CCND3: variants seen among roughly 807,000 people sequenced by gnomAD.
CCND3 encodes the protein G1/S-specific cyclin-D3.
CCND3 carries 9 observed loss-of-function variants against 28.7 expected under a neutral mutation model. That is an observed-to-expected ratio of 0.31 (90% confidence interval 0.19 to 0.55). The LOEUF is 0.55. Ranked by LOEUF, CCND3 falls within the 20% of genes least tolerant of loss-of-function variation. The pLI, the probability that CCND3 is intolerant of heterozygous loss-of-function variation, is 0.93. For synonymous variants in CCND3, 164 were observed against 163.9 expected, an observed-to-expected ratio of 1.00 and a Z score of 0.00; for missense variants, 315 against 385.8, an observed-to-expected ratio of 0.82 and a Z score of 1.54.
Position 41,939,647 on chromosome 6 carries a change from T to C in CCND3, c.414+723A>G, listed in dbSNP as rs1775925384. Among the ~76,000 whole-genome samples the C allele has an allele frequency of 6.6e-6, 1 of 152,014 alleles. No individual in the cohort carries two copies. The highest frequency in any genetic ancestry group is 1.5e-5 in the Non-Finnish European group (1 of 67,988). Reference sequence around the variant, plus strand: ...GGGCGGGCCAGGGGAGGGGGCACCATTATCACATCGGAAGCAGATGCAGCT... The same window carrying C: ...GGGCGGGCCAGGGGAGGGGGCACCACTATCACATCGGAAGCAGATGCAGCT... On this transcript the variant is annotated intron_variant, in intron 2 of 4. Coordinates refer to ENST00000372991, the MANE Select transcript of CCND3 (RefSeq NM_001760.5). The surrounding 1 kb of genome is among the most constrained non-coding windows in gnomAD (Gnocchi z 4.2).
rs557280874 is a variant in CCND3 at position 42,036,040 on chromosome 6, G to C, written c.-46+12461C>G. 8.8e-4 allele frequency among the ~76,000 whole-genome samples: 133 copies of C among 151,400 alleles called. 1 individual carries two copies. The highest frequency in any genetic ancestry group is 3.4e-3 in the Middle Eastern group (1 of 292). On this transcript the variant is annotated intron_variant, in intron 1 of 4. Coordinates refer to the CCND3 transcript ENST00000372988. ...GAGTCTTGCTCTGTCACCCAGGCTG[G>C]AGTGCATTGGCCCAATGTTAGCTTG... is the stretch of plus-strand genomic sequence containing the variant.
intron 1 of CCND3, among the ~76,000 whole-genome samples, chr6:42,039,467 G>A (rs972067995): frequency 1.3e-5 from 2 of 152,208 alleles, no homozygotes; most frequent in Non-Finnish European, 2.9e-5. Flanking sequence ...ATTGCTGGGT[G>A]AAGGTCTCAG....
chr6:41,981,772 C>T (rs1424471845), intron 1 of CCND3, among the ~76,000 whole-genome samples: 1 of 151,852 alleles, frequency 6.6e-6, no homozygotes, highest in Non-Finnish European at 1.5e-5. Flanking sequence ...AATCCACCCA[C>T]CTCAGCCTCC....
intron 1 of CCND3, among the ~76,000 whole-genome samples, chr6:42,033,504 A>ACACACG (rs754710650): frequency 1.3e-5 from 2 of 150,434 alleles, no homozygotes; most frequent in Non-Finnish European, 3.0e-5. Flanking sequence ...ACACACACAC[A>ACACACG]CGCACACATA....
intron 1 of CCND3, among the ~76,000 whole-genome samples, chr6:42,004,438 T>G (rs1310247402): frequency 6.6e-6 from 1 of 152,118 alleles, no homozygotes. Flanking sequence ...ATATACAGAA[T>G]AACTCTATTT....
chr6:42,045,310 A>G (rs920819791), intron 1 of CCND3, among the ~76,000 whole-genome samples: 8 of 152,124 alleles, frequency 5.3e-5, no homozygotes, highest in Admixed American at 6.6e-5. Flanking sequence ...TCCTCGTTCA[A>G]TTCCAAGCTC....
At chr6:41,967,372 C>G (rs1007411319) in intron 1 of CCND3, among the ~76,000 whole-genome samples, 1 of 152,200 alleles carries the variant, frequency 6.6e-6, no homozygotes, top group South Asian at 2.1e-4. Flanking sequence ...CTGATTCCCT[C>G]TGAAAGATTT....
At chr6:41,974,301 T>C (rs1762109987) in intron 1 of CCND3, among the ~76,000 whole-genome samples, 1 of 152,156 alleles carries the variant, frequency 6.6e-6, no homozygotes, top group Admixed American at 6.6e-5. Context: ...TAAACACACA[T>C]CCAAGTCACT....
chr6:41,999,464 A>G (rs1330057720), intron 1 of CCND3, among the ~76,000 whole-genome samples: 8 of 151,852 alleles, frequency 5.3e-5, no homozygotes, highest in Admixed American at 5.2e-4. Flanking sequence ...TCGGCCTCCC[A>G]AAGTGCTGGG....
chr6:42,002,156 T>G (rs74883521), intron 1 of CCND3, among the ~76,000 whole-genome samples: 1,513 of 150,084 alleles, frequency 0.01, 35 homozygotes, highest in African/African-American at 0.035. Flanking sequence ...TTAAGATCTG[T>G]GTATTTTGGC....
chr6:42,035,682 CT>C (rs70987564), intron 1 of CCND3, among the ~76,000 whole-genome samples: 83 of 134,004 alleles, frequency 6.2e-4, no homozygotes, highest in Admixed American at 1.2e-3. Flanking sequence ...CTTTTCTTTT[CT>C]TTTTTTTTTT....
intron 1 of CCND3, among the ~76,000 whole-genome samples, chr6:41,959,495 C>T (rs191609623): frequency 7.4e-4 from 112 of 151,880 alleles, no homozygotes; most frequent in African/African-American, 2.3e-3. Context: ...CCATCCTGGC[C>T]AACATGGTGA....
chr6:41,983,448 C>G (rs1005657588), intron 1 of CCND3, among the ~76,000 whole-genome samples: 7 of 151,522 alleles, frequency 4.6e-5, no homozygotes, highest in Admixed American at 4.6e-4. Context: ...TTAACATATC[C>G]ATAACATATA....
In CCND3 at chr6:42,042,719, G is replaced by A. The variant is rs115629028; in HGVS notation, c.-46+5782C>T. 6.9e-3 allele frequency among the ~76,000 whole-genome samples: 1,058 copies of A among 152,272 alleles called. 15 individuals are homozygous for A. Among genetic ancestry groups the A allele is most frequent in the African/African-American group, 0.024 (991 of 41,546 alleles). ...TGTGCCTCAGTTTCCTTATGTATAA[G>A]AAGCAGAATAATAATGCCTCCCTCA... On this transcript the variant is annotated intron_variant, in intron 1 of 4. Coordinates refer to the CCND3 transcript ENST00000372988.
rs140014361 is a variant in CCND3 at position 41,963,198 on chromosome 6, G to A, written c.-45-22613C>T. Among the ~76,000 whole-genome samples the A allele has an allele frequency of 9.7e-3, 1,470 of 152,248 alleles. 22 individuals are homozygous for A. Among genetic ancestry groups the A allele is most frequent in the Non-Finnish European group, 0.014 (923 of 68,028 alleles). On this transcript the variant is annotated intron_variant, in intron 1 of 4. Transcript: ENST00000372988. Reference sequence around the variant, plus strand: ...TTGCTCAGCTCACACACTTCTTTCTGCCTAAAATCCTTCCCCAATCTCCAC... The same window carrying A: ...TTGCTCAGCTCACACACTTCTTTCTACCTAAAATCCTTCCCCAATCTCCAC...
At chr6:42,049,003 G>A (rs1394771118), upstream of CCND3, 2 of 184,856 alleles carry the variant, frequency 1.1e-5, no homozygotes, top group Non-Finnish European at 2.2e-5. Context: ...GTGCTATCCA[G>A]GAAGTAAACA....
At chr6:42,033,567 G>A (rs753697356) in intron 1 of CCND3, among the ~76,000 whole-genome samples, 2 of 151,798 alleles carry the variant, frequency 1.3e-5, no homozygotes, top group Admixed American at 1.3e-4. Flanking sequence ...AAACATTTCA[G>A]CTGGGTGCAG....
At chr6:42,041,362 TG>T (rs1170340072) in intron 1 of CCND3, among the ~76,000 whole-genome samples, 4 of 152,128 alleles carry the variant, frequency 2.6e-5, no homozygotes, top group Admixed American at 1.3e-4. Flanking sequence ...AAAGAAAAGA[TG>T]GGAGTTCCCC....
intron 1 of CCND3, among the ~76,000 whole-genome samples, chr6:41,997,257 T>C (rs546685054): frequency 1.4e-4 from 22 of 152,324 alleles, no homozygotes; most frequent in African/African-American, 5.1e-4. Context: ...TGCACCTTTG[T>C]ATGAAGCAGC....
Sources: gnomAD v4.1 joint callset for allele counts (sites outside exome capture counted in the v4.1 genomes callset) on GRCh38, gnomAD v4.1.1 for gene constraint, Gnocchi (gnomAD v3.1) non-coding constraint, MANE v1.5 for transcripts, NCBI Gene and HGNC (gene_info 2026-07-23, HGNC 2026-07-21) for gene names.